The following MTTP variants were observed in gnomAD, a reference collection of about 807,000 sequenced individuals.
MTTP encodes microsomal triglyceride transfer protein.
A neutral mutation model predicts 90.6 loss-of-function variants in MTTP; 49 were observed. The observed-to-expected ratio is 0.54, with a 90% confidence interval of 0.43 to 0.69. The LOEUF (loss-of-function observed/expected upper bound fraction) is 0.69, where lower values mean the gene tolerates loss of function less well. MTTP is among the 30% of genes least tolerant of loss of function. The pLI is 0.00. For missense variants in MTTP, 945 were observed against 1,067.5 expected (o/e 0.89, Z 1.60); for synonymous variants, 347 against 384.2 (o/e 0.90, Z 1.13).
chr4:99,586,176 C>G (rs902760879), intron 3 of MTTP, among the ~76,000 whole-genome samples: 6 of 152,146 alleles, frequency 3.9e-5, no homozygotes, highest in African/African-American at 1.4e-4. Flanking sequence ...CATTAAAATA[C>G]TTAGATACAT....
Position 99,623,302 on chromosome 4 carries a change from A to G in MTTP, c.*454A>G, listed in dbSNP as rs1726289627. On this transcript the variant is annotated 3_prime_UTR_variant, in exon 18 of 18. Transcript: ENST00000265517. ...AATCAGGAAAAAAAAAAAAAAAAAA[A>G]GTAAGACACAAACAAACCATTTTTT... 1.2e-5 allele frequency: 2 copies of G among 161,778 alleles called. No individual in the cohort carries two copies. Among genetic ancestry groups the G allele is most frequent in the South Asian group, 3.2e-4 (2 of 6,216 alleles). The allele number at this position is 161,778 out of a possible 1,614,324, so 10.0% of individuals were successfully genotyped here.
At position 99,619,148 on chromosome 4, in the gene MTTP, C is replaced by T. The variant is rs773501178; in HGVS notation, c.2342+50C>T. The T allele has an allele frequency of 9.3e-6, 14 of 1,503,518 alleles. No individual in the cohort carries two copies. In the Admixed American group the frequency reaches 2.0e-4, roughly 22 times the overall value. 93.1% of individuals were successfully genotyped at this position (1,503,518 alleles called of 1,614,324 possible). Reference sequence around the variant, plus strand: ...TATGAATTACATATAAGACTATATACAGAGAACTTCCGAAATATGTTTTGG... The same window carrying T: ...TATGAATTACATATAAGACTATATATAGAGAACTTCCGAAATATGTTTTGG... On this transcript the variant is annotated intron_variant, in intron 16 of 17. Transcript: ENST00000265517.
At chr4:99,616,110 C>G (rs1416326295) in intron 15 of MTTP, among the ~76,000 whole-genome samples, 2 of 152,152 alleles carry the variant, frequency 1.3e-5, no homozygotes, top group Admixed American at 6.5e-5. Context: ...AGTCTTCACC[C>G]AGGCCAGGTG....
At chr4:99,582,306 A>G (rs1725139440) in intron 2 of MTTP, among the ~76,000 whole-genome samples, 1 of 152,206 alleles carries the variant, frequency 6.6e-6, no homozygotes, top group Non-Finnish European at 1.5e-5. Context: ...GAAGGTATAT[A>G]CTGGTAAACG....
Position 99,591,263 on chromosome 4 carries a change from C to T in MTTP, c.530C>T (p.Thr177Ile). Residue 177 changes from threonine (T) to isoleucine (I), a missense_variant, in exon 5 of 18, where the codon ACC becomes ATC. Transcript: ENST00000265517. ...EVDISGNCKV[T>I]YQAHQDKVIK... ...GATATCTCTGGAAATTGTAAAGTGACCTACCAGGCTCATCAAGACAAAGTG... is the reference window on the plus strand; with the variant it reads ...GATATCTCTGGAAATTGTAAAGTGATCTACCAGGCTCATCAAGACAAAGTG... The T allele has an allele frequency of 6.2e-7, 1 of 1,613,520 alleles. No individual in the cohort carries two copies. The highest frequency in any genetic ancestry group is 1.1e-5 in the South Asian group (1 of 91,060).
intron 15 of MTTP, among the ~76,000 whole-genome samples, chr4:99,613,778 C>CA (rs34628778): frequency 6.6e-6 from 1 of 151,844 alleles, no homozygotes; most frequent in Non-Finnish European, 1.5e-5. Flanking sequence ...GATACTGTAC[C>CA]AAAAAATGAC....
intron 11 of MTTP, among the ~76,000 whole-genome samples, chr4:99,608,313 C>T (rs1725868347): frequency 6.6e-6 from 1 of 152,138 alleles, no homozygotes; most frequent in African/African-American, 2.4e-5. Context: ...GGCATGGTGG[C>T]ACACGCCTCT....
intron 3 of MTTP, among the ~76,000 whole-genome samples, chr4:99,586,666 G>GTT (rs1183884633): frequency 6.6e-6 from 1 of 152,018 alleles, no homozygotes; most frequent in Admixed American, 6.6e-5. Flanking sequence ...ACTAATCTTT[G>GTT]TTTGCTGGGA....
intron 17 of MTTP, among the ~76,000 whole-genome samples, chr4:99,622,045 C>T (rs991084320): frequency 6.6e-5 from 10 of 152,108 alleles, no homozygotes; most frequent in African/African-American, 1.4e-4. Context: ...TATTAAAAAA[C>T]GCATTGATTA....
rs1367079155 is a variant in MTTP at position 99,594,764 on chromosome 4, G to C, written c.790G>C (p.Gly264Arg). 2 of 1,614,026 alleles carry C rather than the reference G, an allele frequency of 1.2e-6. No individual in the cohort carries two copies. Among genetic ancestry groups the C allele is most frequent in the South Asian group, 2.2e-5 (2 of 91,092 alleles). Residue 264 changes from glycine to arginine, a missense_variant, in exon 7 of 18, where the codon GGC becomes CGC. Physicochemically the swap from Gly to Arg is moderately radical, Grantham distance 125. Coordinates refer to ENST00000265517, the MANE Select transcript of MTTP (RefSeq NM_001386140.1). ...ATTAGAGCTGAAGACAACCGAAGCA[G>C]GCCCAAGATTGATGTCTGGAAAGCA... ...QKLELKTTEAGPRLMSGKQAA... is the reference protein window; with the variant it reads ...QKLELKTTEARPRLMSGKQAA...
At chr4:99,610,836 A>C (rs1725931666) in intron 12 of MTTP, among the ~76,000 whole-genome samples, 1 of 152,224 alleles carries the variant, frequency 6.6e-6, no homozygotes, top group Non-Finnish European at 1.5e-5. Context: ...CAATAAAACC[A>C]TGACGAATCA....
chr4:99,582,182 G>A (rs891798029), intron 2 of MTTP, 90 bp downstream of exon 2: 18 of 1,317,136 alleles, frequency 1.4e-5, no homozygotes, highest in African/African-American at 4.3e-5. Context: ...TTGGGTTCCC[G>A]TTTATAAATC....
intron 15 of MTTP, among the ~76,000 whole-genome samples, chr4:99,616,001 T>C (rs1169564214): frequency 6.6e-6 from 1 of 152,216 alleles, no homozygotes; most frequent in Non-Finnish European, 1.5e-5. Flanking sequence ...TCTCTCTTTT[T>C]TTTTCCTTTT....
intron 12 of MTTP, among the ~76,000 whole-genome samples, chr4:99,609,698 A>G (rs1244315490): frequency 1.3e-5 from 2 of 152,208 alleles, no homozygotes; most frequent in Non-Finnish European, 1.5e-5. Context: ...GAAAAAAGAC[A>G]GCATTAAAAG....
At position 99,596,896 on chromosome 4, in the gene MTTP, G is replaced by A. The variant is rs543015948; in HGVS notation, c.910-171G>A. ...GGAATGGTTCACAGAGTGGATGGAAGTCCCAGGGGTATGATATGGGCAGGG... is the reference window on the plus strand; with the variant it reads ...GGAATGGTTCACAGAGTGGATGGAAATCCCAGGGGTATGATATGGGCAGGG... On this transcript the variant is annotated intron_variant, in intron 7 of 17. Transcript: ENST00000265517. Among the ~76,000 whole-genome samples, 8 of 152,284 alleles carry A rather than the reference G, an allele frequency of 5.3e-5. No homozygotes were observed. The South Asian group carries it at 1.7e-3, about 32-fold the overall frequency.
rs368058793 is a variant in MTTP, at chr4:99,618,668, C to T, written c.2218-306C>T. Among the ~76,000 whole-genome samples the T allele has an allele frequency of 4.6e-5, 7 of 152,316 alleles. No individual in the cohort carries two copies. The East Asian group carries it at 1.2e-3, about 25-fold the overall frequency. On this transcript the variant is annotated intron_variant, in intron 15 of 17. Transcript: ENST00000265517. ...CAGGCAATGCTGATGCTGTTGTTCA[C>T]AGAAACACACTTTGAGAACCATTGT... is the stretch of plus-strand genomic sequence containing the variant.
chr4:99,580,745 C>A (rs1013164734), intron 1 of MTTP, among the ~76,000 whole-genome samples: 2 of 152,008 alleles, frequency 1.3e-5, no homozygotes, highest in Non-Finnish European at 2.9e-5. Flanking sequence ...TAAGTTAATA[C>A]ATGTAACATG....
chr4:99,591,921 A>G, intron 6 of MTTP, 131 bp downstream of exon 6: 2 of 843,780 alleles, frequency 2.4e-6, no homozygotes, highest in Non-Finnish European at 3.8e-6. Context: ...AACAATGGGA[A>G]TAAGTTCTGA....
chr4:99,605,479 G>A (rs1266682240), intron 10 of MTTP, among the ~76,000 whole-genome samples: 1 of 152,012 alleles, frequency 6.6e-6, no homozygotes, highest in African/African-American at 2.4e-5. Flanking sequence ...TATCTCCTAT[G>A]AATGGTCATG....
Sources: allele counts gnomAD v4.1 joint callset (sites outside exome capture counted in the v4.1 genomes callset), GRCh38; gene constraint gnomAD v4.1.1; transcripts MANE v1.5; gene names NCBI Gene and HGNC (gene_info 2026-07-23, HGNC 2026-07-21).